Variants in NLGN4X observed in about 807,000 individuals in gnomAD.
NLGN4X encodes neuroligin 4 X-linked.
In NLGN4X, 3 loss-of-function variants were observed where a neutral mutation model predicts 40.3. That is an observed-to-expected ratio of 0.07 (90% CI 0.03 to 0.19). NLGN4X has a LOEUF of 0.19. Among genes scored for constraint, NLGN4X ranks in the 10% least tolerant of loss-of-function variants. The pLI, the probability that NLGN4X is intolerant of heterozygous loss-of-function variation, is 1.00. For synonymous variants in NLGN4X, 270 were observed against 306.8 expected (o/e 0.88, Z 1.25); for missense variants, 382 against 708.3 (o/e 0.54, Z 5.23).
intron 2 of NLGN4X, among the ~76,000 whole-genome samples, chrX:6,107,018 T>C (rs1304549419): frequency 8.9e-6 from 1 of 112,771 alleles, no homozygotes; most frequent in Non-Finnish European, 1.9e-5. Context: ...GAAATATGAA[T>C]TTATGCTTTA....
chrX:5,959,027 C>G (rs1254349171), intron 3 of NLGN4X, among the ~76,000 whole-genome samples: 1 of 112,196 alleles, frequency 8.9e-6, no homozygotes, highest in Non-Finnish European at 1.9e-5. Context: ...CTCCCCTCAT[C>G]ATGTGTGTCT....
intron 3 of NLGN4X, among the ~76,000 whole-genome samples, chrX:5,979,878 AATAT>A (rs1045897722): frequency 1.9e-5 from 2 of 106,571 alleles, no homozygotes; most frequent in Non-Finnish European, 3.9e-5. Flanking sequence ...CTATATTGAC[AATAT>A]ATATGATACA....
intron 3 of NLGN4X, among the ~76,000 whole-genome samples, chrX:5,972,448 G>T (rs1601975841): frequency 9.0e-6 from 1 of 110,968 alleles, no homozygotes; most frequent in East Asian, 2.8e-4. Context: ...GTATTTTGTG[G>T]CTAAGTTCTT....
intron 1 of NLGN4X, among the ~76,000 whole-genome samples, chrX:6,167,012 G>C (rs1206639082): frequency 9.6e-6 from 1 of 103,661 alleles, no homozygotes; most frequent in African/African-American, 3.6e-5. Context: ...GGGGAGGTTG[G>C]TGTGAGCCAT....
intron 3 of NLGN4X, among the ~76,000 whole-genome samples, chrX:6,017,162 C>T (rs1008217221): frequency 2.7e-5 from 3 of 111,537 alleles, no homozygotes; most frequent in East Asian, 2.8e-4. Flanking sequence ...ATAAGCTCAA[C>T]GGGTCACTTA....
chrX:6,048,042 C>T (rs1184182910), intron 2 of NLGN4X, among the ~76,000 whole-genome samples: 1 of 111,628 alleles, frequency 9.0e-6, no homozygotes, highest in Non-Finnish European at 1.9e-5. Context: ...ATGAAATTCC[C>T]GCTGTGCCCT....
chrX:5,908,522 C>CA (rs756773892), intron 4 of NLGN4X, among the ~76,000 whole-genome samples: 1,570 of 104,917 alleles, frequency 0.015, 30 homozygotes, highest in African/African-American at 0.049. Context: ...GTCAGAATGG[C>CA]AAAAAAAAAC....
chrX:6,032,629 A>G (rs1031638334), intron 2 of NLGN4X: 8 of 767,764 alleles, frequency 1.0e-5, no homozygotes, highest in Middle Eastern at 4.0e-4. Context: ...GAAAAAAAAA[A>G]AGAGAGATAG....
intron 3 of NLGN4X, among the ~76,000 whole-genome samples, chrX:5,963,864 A>T (rs186676849): frequency 8.9e-6 from 1 of 112,395 alleles, no homozygotes; most frequent in African/African-American, 3.2e-5. Flanking sequence ...TTCTCAAATT[A>T]TCGTTTCTCT....
intron 1 of NLGN4X, among the ~76,000 whole-genome samples, chrX:6,164,990 G>A (rs2040470269): frequency 9.0e-6 from 1 of 111,242 alleles, no homozygotes; most frequent in South Asian, 3.8e-4. Context: ...TTTATTTCCT[G>A]AGTATGACAC....
chrX:6,083,158 C>T (rs1268881956), intron 2 of NLGN4X, among the ~76,000 whole-genome samples: 5 of 98,327 alleles, frequency 5.1e-5, no homozygotes, highest in Admixed American at 1.1e-4. Flanking sequence ...CGGGGTTTCA[C>T]CGTGTTAGCC....
intron 3 of NLGN4X, among the ~76,000 whole-genome samples, chrX:6,012,684 C>T (rs1462831376): frequency 2.7e-5 from 3 of 111,015 alleles, no homozygotes; most frequent in African/African-American, 9.8e-5. Flanking sequence ...GGGTATAACC[C>T]TAAATCCAAT....
chrX:6,225,689 CTTTTTTTTTTTTT>C (rs749574818), intron 1 of NLGN4X, among the ~76,000 whole-genome samples: 153 of 26,844 alleles, frequency 5.7e-3, no homozygotes, highest in Non-Finnish European at 7.7e-3. Context: ...TTCTTTTTTT[CTTTTTTTTTTTTT>C]TTTTTTTTTT....
chrX:5,915,973 G>T (rs1488876934), intron 3 of NLGN4X, among the ~76,000 whole-genome samples: 1 of 111,534 alleles, frequency 9.0e-6, no homozygotes, highest in Non-Finnish European at 1.9e-5. Flanking sequence ...TCCCTCCCTG[G>T]GTCTGCATCC....
intron 2 of NLGN4X, among the ~76,000 whole-genome samples, chrX:6,103,311 C>T (rs1383617769): frequency 8.9e-6 from 1 of 111,915 alleles, no homozygotes; most frequent in East Asian, 2.8e-4. Flanking sequence ...CTTTTTCTCC[C>T]TGGAGTTCCT....
chrX:6,042,200 A>C (rs781015231), intron 2 of NLGN4X, among the ~76,000 whole-genome samples: 16 of 111,858 alleles, frequency 1.4e-4, no homozygotes. Flanking sequence ...ACAGACTGAG[A>C]GAAAAAGGTG....
intron 2 of NLGN4X, among the ~76,000 whole-genome samples, chrX:6,067,038 G>A (rs1195365339): frequency 1.8e-5 from 2 of 111,264 alleles, no homozygotes; most frequent in Non-Finnish European, 3.8e-5. Flanking sequence ...AAGCCCAGGA[G>A]TTCAAGGTTG....
At chrX:5,902,730 T>G (rs767511843) in intron 5 of NLGN4X, among the ~76,000 whole-genome samples, 1 of 112,162 alleles carries the variant, frequency 8.9e-6, no homozygotes, top group Admixed American at 9.4e-5. Context: ...TTTAATCAGC[T>G]GTTAACAGAA....
At chrX:6,193,068 C>T (rs1366442392) in intron 1 of NLGN4X, among the ~76,000 whole-genome samples, 2 of 111,585 alleles carry the variant, frequency 1.8e-5, no homozygotes, top group Non-Finnish European at 3.8e-5. Context: ...GTGCTGGACT[C>T]GCCAATAACT....
Sources: gnomAD v4.1 joint callset for allele counts (sites outside exome capture counted in the v4.1 genomes callset) on GRCh38, gnomAD v4.1.1 for gene constraint, MANE v1.5 for transcripts, NCBI Gene and HGNC (gene_info 2026-07-23, HGNC 2026-07-21) for gene names.